Variants in DNAI2 observed in about 807,000 individuals in gnomAD.
DNAI2 encodes dynein axonemal intermediate chain 2.
A neutral mutation model predicts 74.7 loss-of-function variants in DNAI2; 63 were observed. The observed-to-expected ratio is 0.84, with a 90% CI of 0.69 to 1.04. DNAI2 has a LOEUF of 1.04. Among genes scored for constraint, DNAI2 ranks in the 50% least tolerant of loss-of-function variants. DNAI2 has a pLI of 0.00. For missense variants in DNAI2, 688 were observed against 803.2 expected (o/e 0.86, Z 1.73); for synonymous variants, 289 against 314.9 (o/e 0.92, Z 0.87).
In DNAI2 at chr17:74,286,297, AAATAAT is replaced by A. The variant is rs10637482; in HGVS notation, c.346-643_346-638del. Among the ~76,000 whole-genome samples, 565 of 140,674 alleles carry A rather than the reference AAATAAT, an allele frequency of 4.0e-3. 1 individual carries two copies. Among genetic ancestry groups the A allele is most frequent in the South Asian group, 8.3e-3 (35 of 4,208 alleles). 92.3% of individuals were successfully genotyped at this position (140,674 alleles called of 152,430 possible). A position where few individuals can be genotyped will look rare whatever the true frequency, so the allele number is the denominator to read the frequency against. On this transcript the variant is annotated intron_variant, in intron 3 of 13. Transcript: ENST00000311014. ...GGCAGCAGAGCAAGACTGTGTCTCAAAATAATAATAATAATAATAATAATAATAATA... is the reference window on the plus strand; with the variant it reads ...GGCAGCAGAGCAAGACTGTGTCTCAAAATAATAATAATAATAATAATAATA...
chr17:74,304,081 T>C (rs9904729), intron 8 of DNAI2, among the ~76,000 whole-genome samples: 100,870 of 151,646 alleles, frequency 0.67, 34,301 homozygotes, highest in African/African-American at 0.72. Context: ...GAGATCGCAC[T>C]GCTGCACTCC....
Position 74,289,692 on chromosome 17 carries a change from G to A in DNAI2, c.566G>A (p.Arg189Gln), listed in dbSNP as rs552610697. The change falls in exon 5 of 14, where the codon CGG becomes CAG. Residue 189 changes from arginine (R) to glutamine (Q), a missense_variant. Coordinates refer to ENST00000311014, the MANE Select transcript of DNAI2 (RefSeq NM_023036.6). Reference sequence around the variant, plus strand: ...GCATACTCCTGCTTGGATTTTCAGCGGGCACCTGTGGGCATGAGCAGCGAT... The same window carrying A: ...GCATACTCCTGCTTGGATTTTCAGCAGGCACCTGTGGGCATGAGCAGCGAT... ...AVAYSCLDFQ[R>Q]APVGMSSDSY... is the part of the protein sequence containing the mutation. 24 of 1,614,006 alleles carry A rather than the reference G, an allele frequency of 1.5e-5. No individual in the cohort carries two copies. The highest frequency in any genetic ancestry group is 5.0e-5 in the Admixed American group (3 of 59,990).
chr17:74,296,480 GCCTCCCAA>G (rs1281450265), intron 6 of DNAI2, among the ~76,000 whole-genome samples: 16 of 152,120 alleles, frequency 1.1e-4, no homozygotes. Context: ...TCCTGCCTCA[GCCTCCCAA>G]AGTACAGGCG....
intron 12 of DNAI2, among the ~76,000 whole-genome samples, chr17:74,313,003 A>G (rs2053625299): frequency 6.6e-6 from 1 of 152,218 alleles, no homozygotes; most frequent in Admixed American, 6.5e-5. Context: ...CTGGCTGCAG[A>G]CTTGGGGATT....
At position 74,304,706 on chromosome 17, in the gene DNAI2, G is replaced by A. The variant is rs150495039; in HGVS notation, c.988-513G>A. On this transcript the variant is annotated intron_variant, in intron 8 of 13. Coordinates refer to ENST00000311014, the MANE Select transcript of DNAI2 (RefSeq NM_023036.6). ...TGGTAGGGGGACGAGTTACATCACC[G>A]ACTGCCAGGTAACTTCCTGAGTGCT... Among the ~76,000 whole-genome samples the A allele has an allele frequency of 8.8e-4, 134 of 152,234 alleles. No homozygotes were observed. The East Asian group carries it at 0.014, about 16-fold the overall frequency.
chr17:74,285,302 C>G (rs2051649283), intron 3 of DNAI2, 101 bp downstream of exon 3: 1 of 1,437,206 alleles, frequency 7.0e-7, no homozygotes, highest in Non-Finnish European at 9.6e-7. Flanking sequence ...CTGTGAGGCT[C>G]GTGTGAATGC....
rs199535813 is a variant in DNAI2 at position 74,285,159 on chromosome 17, G to A, written c.303G>A (p.Glu101=). ...EQTIRFRKKV[E]KDENYVNAIM... is the part of the protein sequence containing the mutation. ...CCATCCGTTTCCGGAAGAAAGTGGA[G>A]AAAGATGAGAACTACGTTAACGCCA... Residue 101 remains glutamate, a synonymous_variant, in exon 3 of 14, where the codon GAG becomes GAA. Transcript: ENST00000311014. The A allele has an allele frequency of 4.3e-6, 7 of 1,614,220 alleles. No individual in the cohort carries two copies. Among genetic ancestry groups the A allele is most frequent in the African/African-American group, 1.3e-5 (1 of 75,058 alleles).
chr17:74,299,577 C>A, intron 6 of DNAI2, 141 bp from the exon 7 acceptor site: 1 of 1,085,106 alleles, frequency 9.2e-7, no homozygotes, highest in Non-Finnish European at 1.3e-6. Flanking sequence ...GAAACTCAGG[C>A]TGATTTGAAC....
At chr17:74,301,003 A>C (rs780577279) in intron 7 of DNAI2, 43 bp from the exon 8 acceptor site, 4 of 1,611,544 alleles carry the variant, frequency 2.5e-6, no homozygotes, top group South Asian at 1.1e-5. Context: ...GCCAGGGGAA[A>C]TACAGGGCCT....
chr17:74,314,036 G>T, intron 12 of DNAI2, 85 bp from the exon 13 acceptor site: 1 of 1,605,208 alleles, frequency 6.2e-7, no homozygotes, highest in South Asian at 1.1e-5. Flanking sequence ...GGCTGCTTTG[G>T]TCCTCGTGGG....
chr17:74,299,431 A>G (rs571674819), intron 6 of DNAI2, among the ~76,000 whole-genome samples: 1 of 152,054 alleles, frequency 6.6e-6, no homozygotes, highest in Non-Finnish European at 1.5e-5. Context: ...TTCCCCTGCC[A>G]CTATGCCTGT....
At chr17:74,309,771 TG>T (rs1749500637) in intron 10 of DNAI2, 1 of 637,252 alleles carries the variant, frequency 1.6e-6, no homozygotes, top group East Asian at 2.8e-5. Flanking sequence ...CACGGAAGGG[TG>T]GGGGCATTGG....
Position 74,312,161 on chromosome 17 carries a change from G to C in DNAI2, c.1653G>C (p.Glu551Asp). Residue 551 changes from glutamate (E) to aspartate (D), a missense_variant, in exon 12 of 14, where the codon GAG (glutamate) becomes GAC (aspartate). Coordinates refer to ENST00000311014, the MANE Select transcript of DNAI2 (RefSeq NM_023036.6). ...LEALVSKAEE[E>D]FFDIIFAELK... Reference sequence around the variant, plus strand: ...CGCTGGTCAGCAAGGCCGAGGAGGAGTTCTTCGACATCATCTTCGCAGAGC... The same window carrying C: ...CGCTGGTCAGCAAGGCCGAGGAGGACTTCTTCGACATCATCTTCGCAGAGC... The C allele has an allele frequency of 6.4e-7, 1 of 1,564,030 alleles. No individual in the cohort carries two copies. Among genetic ancestry groups the C allele is most frequent in the South Asian group, 1.1e-5 (1 of 90,380 alleles).
At chr17:74,297,982 C>A (rs2052547907) in intron 6 of DNAI2, among the ~76,000 whole-genome samples, 1 of 152,238 alleles carries the variant, frequency 6.6e-6, no homozygotes, top group Non-Finnish European at 1.5e-5. Context: ...CCCTCTCAGA[C>A]CTGCTGCCTC....
At chr17:74,275,038 C>T (rs760400323) in intron 1 of DNAI2, among the ~76,000 whole-genome samples, 212 of 152,314 alleles carry the variant, frequency 1.4e-3, no homozygotes, top group Non-Finnish European at 2.0e-3. Flanking sequence ...TTGTCACGGT[C>T]AGCAGAGGAG....
In DNAI2 at chr17:74,301,047, T is replaced by A. The variant is rs761883293; in HGVS notation, c.866T>A (p.Val289Asp). Residue 289 changes from valine to aspartate, a missense_variant and splice_region_variant, in exon 8 of 14, where the codon GTC (valine) becomes GAC (aspartate). Coordinates refer to ENST00000311014, the MANE Select transcript of DNAI2 (RefSeq NM_023036.6). ...ECFSASTDGQ[V>D]MWWDIRKMSE... ...CACTGTCGCCCCTCCTCCCACCAGG[T>A]CATGTGGTGGGACATCCGAAAGATG... is the stretch of plus-strand genomic sequence containing the variant. The A allele has an allele frequency of 6.2e-7, 1 of 1,613,700 alleles. No homozygotes were observed. The highest frequency in any genetic ancestry group is 8.5e-7 in the Non-Finnish European group (1 of 1,179,890).
At chr17:74,308,953 C>G (rs1455084887) in intron 9 of DNAI2, among the ~76,000 whole-genome samples, 1 of 151,328 alleles carries the variant, frequency 6.6e-6, no homozygotes, top group East Asian at 2.0e-4. Flanking sequence ...ATCCCAGTTA[C>G]TCGGGAGGCT....
intron 6 of DNAI2, among the ~76,000 whole-genome samples, chr17:74,299,316 G>A (rs1243398392): frequency 6.6e-6 from 1 of 152,042 alleles, no homozygotes; most frequent in Non-Finnish European, 1.5e-5. Context: ...CCTACGTTAG[G>A]GACTCGGCTC....
At chr17:74,299,683 C>G in intron 6 of DNAI2, 35 bp from the exon 7 acceptor site, 1 of 1,612,692 alleles carries the variant, frequency 6.2e-7, no homozygotes, top group Non-Finnish European at 8.5e-7. Flanking sequence ...AGCCTGTGCC[C>G]CCTTCCACTC....
Sources: gnomAD v4.1 joint callset for allele counts (sites outside exome capture counted in the v4.1 genomes callset) on GRCh38, gnomAD v4.1.1 for gene constraint, MANE v1.5 for transcripts, NCBI Gene and HGNC (gene_info 2026-07-23, HGNC 2026-07-21) for gene names.